Variants in NR5A2 observed in about 807,000 individuals in gnomAD.
NR5A2 encodes the protein nuclear receptor subfamily 5 group A member 2, also known as CYP7A promoter-binding factor.
NR5A2 carries 26 observed loss-of-function variants against 62.7 expected under a neutral mutation model. That is an observed-to-expected ratio of 0.41 (90% CI 0.30 to 0.58). The LOEUF (loss-of-function observed/expected upper bound fraction) is 0.58, where lower values mean the gene tolerates loss of function less well. Among genes scored for constraint, NR5A2 ranks in the 20% least tolerant of loss-of-function variants. The probability of loss-of-function intolerance (pLI) is 0.22; values close to 1 mark genes in which losing one functional copy is unlikely to be tolerated. For synonymous variants in NR5A2, 246 were observed against 241.7 expected, an observed-to-expected ratio of 1.02 and a Z score of -0.16; for missense variants, 541 against 669.1, an observed-to-expected ratio of 0.81 and a Z score of 2.11.
At chr1:200,028,956 A>C (rs1290722023) in intron 1 of NR5A2, 4 of 361,010 alleles carry the variant, frequency 1.1e-5, no homozygotes, top group African/African-American at 8.9e-5. Context: ...AATGTTTACC[A>C]AAAATGTTCT....
chr1:200,081,468 G>C (rs1033622268), intron 5 of NR5A2, among the ~76,000 whole-genome samples: 1 of 152,108 alleles, frequency 6.6e-6, no homozygotes, highest in South Asian at 2.1e-4. Context: ...AGCTCATTCC[G>C]AATTAGTAAA....
At chr1:200,084,006 T>TA (rs896986783) in intron 5 of NR5A2, among the ~76,000 whole-genome samples, 3 of 139,950 alleles carry the variant, frequency 2.1e-5, no homozygotes, top group African/African-American at 7.9e-5. Context: ...ATAATAATAA[T>TA]AAAGTACAGT....
Position 200,123,742 on chromosome 1 carries a change from CTTATT to C in NR5A2, c.1378+2789_1378+2793del, listed in dbSNP as rs767117929. Reference sequence around the variant, plus strand: ...TTTCAGAAGTTTTATTTTTATTTTACTTATTTAATTTTTTTTTTTTTTTGCTTTTA... The same window carrying C: ...TTTCAGAAGTTTTATTTTTATTTTACTAATTTTTTTTTTTTTTTGCTTTTA... On this transcript the variant is annotated intron_variant, in intron 7 of 7. Transcript: ENST00000367362. Among the ~76,000 whole-genome samples, 54 of 84,972 alleles carry C rather than the reference CTTATT, an allele frequency of 6.4e-4. 2 individuals are homozygous for C. Among genetic ancestry groups the C allele is most frequent in the African/African-American group, 7.6e-4 (17 of 22,458 alleles). The allele number at this position is 84,972 out of a possible 152,430, so 55.7% of individuals were successfully genotyped here.
intron 7 of NR5A2, among the ~76,000 whole-genome samples, chr1:200,156,878 G>A (rs1653414598): frequency 6.6e-6 from 1 of 152,132 alleles, no homozygotes; most frequent in Non-Finnish European, 1.5e-5. Context: ...TGTAGTAAAT[G>A]AATTTGTGAT....
chr1:200,116,452 C>T (rs1666221640), intron 6 of NR5A2, among the ~76,000 whole-genome samples: 1 of 152,222 alleles, frequency 6.6e-6, no homozygotes, highest in Admixed American at 6.5e-5. Flanking sequence ...CACAGCCTTT[C>T]TCTTAAGCCC....
At chr1:200,132,162 A>G (rs1369245478) in intron 7 of NR5A2, among the ~76,000 whole-genome samples, 1 of 152,052 alleles carries the variant, frequency 6.6e-6, no homozygotes, top group Non-Finnish European at 1.5e-5. Context: ...AGTGCCTGCT[A>G]CCACCCCCGG....
chr1:200,073,272 ATATATATATATATATATATTCCCCTT>A lies in NR5A2; in HGVS notation c.1110+24472_1110+24497del, dbSNP rs1663831607. ...TATATATATATATATTCCCCTTTAT[ATATATATATATATATATATTCCCCTT>A]TATATATATATATATATTCCCCTTT... is the stretch of plus-strand genomic sequence containing the variant. On this transcript the variant is annotated intron_variant, in intron 5 of 7. Transcript: ENST00000367362. 1.5e-4 allele frequency among the ~76,000 whole-genome samples: 8 copies of A among 53,958 alleles called. 2 individuals carry two copies. The highest frequency in any genetic ancestry group is 8.1e-4 in the African/African-American group (8 of 9,908). 35.4% of individuals were successfully genotyped at this position (53,958 alleles called of 152,430 possible).
At chr1:200,103,784 G>A (rs1665510491) in intron 5 of NR5A2, among the ~76,000 whole-genome samples, 1 of 152,212 alleles carries the variant, frequency 6.6e-6, no homozygotes, top group African/African-American at 2.4e-5. Flanking sequence ...TGATTAGGGA[G>A]ATCTGGTTTA....
chr1:200,074,192 A>G (rs1663892949), intron 5 of NR5A2, among the ~76,000 whole-genome samples: 1 of 152,168 alleles, frequency 6.6e-6, no homozygotes, highest in African/African-American at 2.4e-5. Context: ...TTACAGATCT[A>G]GTTCTAATTT....
At chr1:200,093,308 T>G (rs1664907619) in intron 5 of NR5A2, among the ~76,000 whole-genome samples, 1 of 152,124 alleles carries the variant, frequency 6.6e-6, no homozygotes, top group Non-Finnish European at 1.5e-5. Context: ...GCTATTGATG[T>G]ATATATGTGG....
rs575067925 is a variant in NR5A2 at position 200,063,585 on chromosome 1, A to G, written c.1110+14767A>G. 2.6e-3 allele frequency among the ~76,000 whole-genome samples: 401 copies of G among 152,314 alleles called. 6 individuals carry two copies. The highest frequency in any genetic ancestry group is 9.0e-4 in the Non-Finnish European group (61 of 68,026). ...AATGAAGTGTTATAATCTAGTAAAA[A>G]TAACTTCATTTCAGTCATATTTGGA... On this transcript the variant is annotated intron_variant, in intron 5 of 7. Coordinates refer to ENST00000367362, the MANE Select transcript of NR5A2 (RefSeq NM_205860.3).
rs750422848 is a variant in NR5A2 at position 200,048,574 on chromosome 1, A to G, written c.866A>G (p.Tyr289Cys). ...CCCGAGTCCATAATGGGCTATTCAT[A>G]TATGGATAGTTACCAGACGAGCTCT... is the stretch of plus-strand genomic sequence containing the variant. ...SSPESIMGYSYMDSYQTSSPA... is the reference protein window; with the variant it reads ...SSPESIMGYSCMDSYQTSSPA... Residue 289 changes from tyrosine to cysteine, a missense_variant, in exon 5 of 8, where the codon TAT (tyrosine) becomes TGT (cysteine). Around this residue, in one of 3 missense-constraint regions of NR5A2, gnomAD observed 379 missense variants for 442.0 expected, o/e 0.86. Transcript: ENST00000367362. This position sits in a 1 kb window ranked among gnomAD's most constrained non-coding sequence, Gnocchi z 4.8. 6.2e-7 allele frequency: 1 copy of G among 1,614,080 alleles called. No individual in the cohort carries two copies. Among genetic ancestry groups the G allele is most frequent in the African/African-American group, 1.3e-5 (1 of 74,922 alleles).
intron 5 of NR5A2, among the ~76,000 whole-genome samples, chr1:200,096,086 GCTTTA>G (rs917082541): frequency 3.3e-5 from 5 of 151,974 alleles, no homozygotes; most frequent in African/African-American, 2.4e-5. Context: ...CCACAATGCT[GCTTTA>G]TTTTGTTTGT....
chr1:200,171,568 G>A (rs1464211314), intron 7 of NR5A2, among the ~76,000 whole-genome samples: 1 of 152,092 alleles, frequency 6.6e-6, no homozygotes, highest in Admixed American at 6.5e-5. Flanking sequence ...AGTCAACATG[G>A]TGAAACCCCA....
intron 5 of NR5A2, among the ~76,000 whole-genome samples, chr1:200,074,615 T>C (rs1663923675): frequency 6.6e-6 from 1 of 150,782 alleles, no homozygotes; most frequent in African/African-American, 2.4e-5. Flanking sequence ...CGGGTGCCTG[T>C]AGTCCCAGCT....
intron 1 of NR5A2, among the ~76,000 whole-genome samples, chr1:200,036,083 T>G (rs1454021413): frequency 1.3e-5 from 2 of 152,178 alleles, no homozygotes; most frequent in Non-Finnish European, 2.9e-5. Flanking sequence ...GAGATGCGTC[T>G]GTCCACCCGC....
Position 200,120,869 on chromosome 1 carries a change from C to G in NR5A2, c.1292C>G (p.Ala431Gly), listed in dbSNP as rs369542811. The change falls in exon 7 of 8, where the codon GCA (alanine) becomes GGA (glycine). Residue 431 changes from alanine to glycine, a missense_variant. By Grantham distance (60) the Ala-to-Gly change is moderately conservative. Coordinates refer to ENST00000367362, the MANE Select transcript of NR5A2 (RefSeq NM_205860.3). ...ACCCTCAACAACCTCATGAGTCATGCACAGGAGTTAGTGGCAAAACTTCGT... is the reference window on the plus strand; with the variant it reads ...ACCCTCAACAACCTCATGAGTCATGGACAGGAGTTAGTGGCAAAACTTCGT... ...GATLNNLMSHAQELVAKLRSL... is the reference protein window; with the variant it reads ...GATLNNLMSHGQELVAKLRSL... 1 of 1,609,656 alleles carries G rather than the reference C, an allele frequency of 6.2e-7. No individual in the cohort carries two copies. Among genetic ancestry groups the G allele is most frequent in the African/African-American group, 1.3e-5 (1 of 74,734 alleles).
At chr1:200,059,348 C>G (rs1045008316) in intron 5 of NR5A2, among the ~76,000 whole-genome samples, 2 of 152,164 alleles carry the variant, frequency 1.3e-5, no homozygotes, top group Non-Finnish European at 2.9e-5. Flanking sequence ...TATCTCCCAA[C>G]CTCCCAGTGC....
chr1:200,062,156 A>G (rs903320634), intron 5 of NR5A2, among the ~76,000 whole-genome samples: 2 of 152,046 alleles, frequency 1.3e-5, no homozygotes, highest in African/African-American at 2.4e-5. Flanking sequence ...AGGCACACTC[A>G]TATTCATTTG....
Sources: allele counts gnomAD v4.1 joint callset (sites outside exome capture counted in the v4.1 genomes callset), GRCh38; gene constraint gnomAD v4.1.1; regional missense constraint gnomAD v4.1.1; non-coding constraint Gnocchi (gnomAD v3.1); transcripts MANE v1.5; gene names NCBI Gene and HGNC (gene_info 2026-07-23, HGNC 2026-07-21).